Variants in MRS2 observed in about 807,000 individuals in gnomAD.
The protein encoded by MRS2 is magnesium transporter MRS2 homolog, mitochondrial.
Under a neutral mutation model 52.6 loss-of-function variants are expected in MRS2, and 40 were observed. That is an observed-to-expected ratio of 0.76 (90% confidence interval 0.59 to 0.99). The LOEUF is 0.99. MRS2 is among the 50% of genes least tolerant of loss of function. MRS2 has a pLI of 0.00. For synonymous variants in MRS2, 193 were observed against 195.9 expected, an observed-to-expected ratio of 0.98 and a Z score of 0.13; for missense variants, 472 against 532.7, an observed-to-expected ratio of 0.89 and a Z score of 1.12.
intron 5 of MRS2, among the ~76,000 whole-genome samples, chr6:24,414,616 G>A: frequency 6.6e-6 from 1 of 151,892 alleles, no homozygotes; most frequent in Non-Finnish European, 1.5e-5. Flanking sequence ...TTTTCTATTC[G>A]ACAAAACCGC....
chr6:24,403,527 T>A (rs1761360066), intron 1 of MRS2, among the ~76,000 whole-genome samples: 1 of 152,224 alleles, frequency 6.6e-6, no homozygotes, highest in Admixed American at 6.5e-5. Context: ...AACCTAGGAA[T>A]CGTTTACAGA....
At chr6:24,409,625 TAC>T (rs1761587865) in intron 4 of MRS2, 52 bp downstream of exon 4, 2 of 1,147,180 alleles carry the variant, frequency 1.7e-6, no homozygotes, top group South Asian at 2.8e-5. Context: ...TTATAAAAGT[TAC>T]CTTCTAACTA....
chr6:24,419,605 G>C (rs1048345058), intron 9 of MRS2, among the ~76,000 whole-genome samples: 4 of 152,214 alleles, frequency 2.6e-5, no homozygotes, highest in Admixed American at 2.6e-4. Flanking sequence ...CAGGCATAGA[G>C]CTGGAAAAAT....
intron 6 of MRS2, among the ~76,000 whole-genome samples, chr6:24,416,000 A>G (rs1761836892): frequency 6.6e-6 from 1 of 151,864 alleles, no homozygotes; most frequent in Non-Finnish European, 1.5e-5. Flanking sequence ...GTGCAGTCTC[A>G]GCTCACTGCA....
rs769204465 is a variant in MRS2 at position 24,423,103 on chromosome 6, C to A, written c.1221+53C>A. On this transcript the variant is annotated intron_variant, in intron 10 of 10. Transcript: ENST00000378386. ...TTGTGGAAGGGTTATGATCATGGGC[C>A]CTAAAGTCAGAGCGCCTGGGATTAA... 19 of 1,443,030 alleles carry A rather than the reference C, an allele frequency of 1.3e-5. 2 individuals carry two copies. The South Asian group carries it at 2.3e-4, about 17-fold the overall frequency. 89.4% of individuals were successfully genotyped at this position (1,443,030 alleles called of 1,614,324 possible).
At chr6:24,410,785 T>C (rs1437455519) in intron 4 of MRS2, 1 of 1,513,782 alleles carries the variant, frequency 6.6e-7, no homozygotes, top group Admixed American at 2.0e-5. Flanking sequence ...GTCTCTTTCA[T>C]GGAGAGACAG....
In MRS2 at chr6:24,405,326, ACTT is replaced by A. The variant is rs1190131553; in HGVS notation, c.264+86_264+88del. 281 of 980,590 alleles carry A rather than the reference ACTT, an allele frequency of 2.9e-4. 3 individuals are homozygous for A. In the Middle Eastern group the frequency reaches 7.3e-3, roughly 25 times the overall value. 60.7% of individuals were successfully genotyped at this position (980,590 alleles called of 1,614,324 possible). A position where few individuals can be genotyped will look rare whatever the true frequency, so the allele number is the denominator to read the frequency against. ...TCGTTGGACTGTTGGCCAAGATACT[ACTT>A]ATTTTGAGCTTTATAATCATCATAG... is the stretch of plus-strand genomic sequence containing the variant. On this transcript the variant is annotated intron_variant, in intron 2 of 10. Transcript: ENST00000378386.
chr6:24,404,469 G>GT lies in MRS2; in HGVS notation c.191-690dup, dbSNP rs202124785. On this transcript the variant is annotated intron_variant, in intron 1 of 10. Coordinates refer to ENST00000378386, the MANE Select transcript of MRS2 (RefSeq NM_020662.4). ...GTAGTAGAAAAAAGATCAGAAATAG[G>GT]TTTTTTTTTCTACAGTCTCTGGAAT... Among the ~76,000 whole-genome samples, 542 of 151,522 alleles carry GT rather than the reference G, an allele frequency of 3.6e-3. 5 individuals carry two copies. Among genetic ancestry groups the GT allele is most frequent in the African/African-American group, 0.011 (469 of 41,336 alleles).
At chr6:24,416,173 T>C (rs992961581) in intron 6 of MRS2, among the ~76,000 whole-genome samples, 1 of 152,104 alleles carries the variant, frequency 6.6e-6, no homozygotes, top group African/African-American at 2.4e-5. Context: ...TCCTCCTGCC[T>C]TGGCCTCCTA....
At chr6:24,421,247 A>C (rs1762032549) in intron 9 of MRS2, among the ~76,000 whole-genome samples, 1 of 152,180 alleles carries the variant, frequency 6.6e-6, no homozygotes, top group African/African-American at 2.4e-5. Flanking sequence ...CCTTTCTTAT[A>C]GTTTTAGTAT....
intron 7 of MRS2, among the ~76,000 whole-genome samples, 199 bp downstream of exon 7, chr6:24,416,712 A>G (rs1484462227): frequency 6.6e-6 from 1 of 152,144 alleles, no homozygotes; most frequent in African/African-American, 2.4e-5. Flanking sequence ...CATACTGCAT[A>G]CCCAACACTG....
intron 5 of MRS2, among the ~76,000 whole-genome samples, chr6:24,414,107 T>C (rs552148439): frequency 2.6e-4 from 39 of 152,344 alleles, no homozygotes; most frequent in African/African-American, 9.1e-4. Flanking sequence ...ACTTGATCCC[T>C]CATTACTTCA....
At chr6:24,407,163 T>A (rs959623074) in intron 2 of MRS2, among the ~76,000 whole-genome samples, 1 of 151,484 alleles carries the variant, frequency 6.6e-6, no homozygotes, top group African/African-American at 2.4e-5. Flanking sequence ...AAATTTGTCA[T>A]TTCAGGTGAT....
intron 2 of MRS2, among the ~76,000 whole-genome samples, chr6:24,407,826 G>T (rs1761526795): frequency 6.6e-6 from 1 of 152,156 alleles, no homozygotes; most frequent in African/African-American, 2.4e-5. Flanking sequence ...CAGCCATCCA[G>T]GGGCTTCTCT....
chr6:24,409,514 A>C lies in MRS2; in HGVS notation c.355A>C (p.Arg119=). The C allele has an allele frequency of 6.2e-7, 1 of 1,612,026 alleles. No individual in the cohort carries two copies. The highest frequency in any genetic ancestry group is 1.1e-5 in the South Asian group (1 of 90,730). The change falls in exon 4 of 11, where the codon AGA becomes CGA. Residue 119 remains arginine, a synonymous_variant. Transcript: ENST00000378386. Reference sequence around the variant, plus strand: ...GTTAGGTCTTCAAGCCAGAGATTTGAGATTTCAGCATGTAATGAGTATCAC... The same window carrying C: ...GTTAGGTCTTCAAGCCAGAGATTTGCGATTTCAGCATGTAATGAGTATCAC... ...QELGLQARDL[R]FQHVMSITVR...
In MRS2 at chr6:24,418,116, A is replaced by G. The variant is rs764348521; in HGVS notation, c.869A>G (p.Glu290Gly). 2.5e-6 allele frequency: 4 copies of G among 1,613,688 alleles called. No homozygotes were observed. Among genetic ancestry groups the G allele is most frequent in the Non-Finnish European group, 3.4e-6 (4 of 1,179,828 alleles). Reference protein sequence around the residue: ...EKSSAGIDHAEEMELLLENYY... With the variant: ...EKSSAGIDHAGEMELLLENYY... ...AGCAGTGCTGGGATTGACCATGCAG[A>G]AGAGATGGAGTTGCTGTTGGAAAAC... is the stretch of plus-strand genomic sequence containing the variant. The change falls in exon 8 of 11, where the codon GAA (glutamate) becomes GGA (glycine). Residue 290 changes from glutamate (E) to glycine (G), a missense_variant. Transcript: ENST00000378386.
At chr6:24,408,365 A>G (rs902442037) in intron 2 of MRS2, 43 bp from the exon 3 acceptor site, 5 of 1,304,328 alleles carry the variant, frequency 3.8e-6, no homozygotes, top group Non-Finnish European at 5.5e-6. Flanking sequence ...GTAGCATTCT[A>G]ATTTGAAAGA....
At chr6:24,413,247 G>A (rs1016460514) in intron 5 of MRS2, among the ~76,000 whole-genome samples, 1 of 152,114 alleles carries the variant, frequency 6.6e-6, no homozygotes, top group African/African-American at 2.4e-5. Context: ...CTTAAAGGGA[G>A]CAGGAGGGGA....
chr6:24,420,293 A>G (rs1292627930), intron 9 of MRS2, among the ~76,000 whole-genome samples: 3 of 152,194 alleles, frequency 2.0e-5, no homozygotes, highest in African/African-American at 7.2e-5. Flanking sequence ...AACCTGGCCC[A>G]GTAAAGTTAC....
Sources: allele counts gnomAD v4.1 joint callset (sites outside exome capture counted in the v4.1 genomes callset), GRCh38; gene constraint gnomAD v4.1.1; transcripts MANE v1.5; gene names NCBI Gene and HGNC (gene_info 2026-07-23, HGNC 2026-07-21).